The following GLI2 variants were observed in gnomAD, a reference collection of about 807,000 sequenced individuals.
GLI2 encodes the protein transcription activator GLI2.
Under a neutral mutation model 78.9 loss-of-function variants are expected in GLI2, and 22 were observed. The observed-to-expected ratio is 0.28, with a 90% CI of 0.20 to 0.40. GLI2 has a LOEUF of 0.40. GLI2 is among the 10% of genes least tolerant of loss of function. GLI2 has a pLI of 1.00. For missense variants in GLI2, 2,097 were observed against 2,213.2 expected (o/e 0.95, Z 1.05); for synonymous variants, 974 against 963.7 (o/e 1.01, Z -0.20).
chr2:120,963,247 G>A (rs1323899830), intron 5 of GLI2, among the ~76,000 whole-genome samples: 5 of 152,192 alleles, frequency 3.3e-5, no homozygotes, highest in Admixed American at 2.6e-4. Context: ...TGGAATGCCC[G>A]CTGGGTTTTA....
intron 1 of GLI2, among the ~76,000 whole-genome samples, chr2:120,753,839 AGTGATCTTGGCTCACGCG>A (rs1682956058): frequency 6.7e-6 from 1 of 148,308 alleles, no homozygotes; most frequent in Admixed American, 6.8e-5. Flanking sequence ...CGGAGCTTGC[AGTGATCTTGGCTCACGCG>A]GTGAGCCGAG....
chr2:120,968,949 C>T, intron 6 of GLI2, 34 bp downstream of exon 6: 5 of 1,564,180 alleles, frequency 3.2e-6, no homozygotes. Context: ...AGCTGAGGAC[C>T]AGAGCTGGGC....
At chr2:120,796,214 C>T (rs1684386166) in intron 1 of GLI2, among the ~76,000 whole-genome samples, 1 of 152,192 alleles carries the variant, frequency 6.6e-6, no homozygotes, top group African/African-American at 2.4e-5. Flanking sequence ...CCCTTGCTCA[C>T]AGCCACTTTC....
Position 120,948,460 on chromosome 2 carries a change from G to C in GLI2, c.255-2783G>C, listed in dbSNP as rs551215259. On this transcript the variant is annotated intron_variant, in intron 3 of 13. Coordinates refer to ENST00000361492, the MANE Select transcript of GLI2 (RefSeq NM_001374353.1). The stretch of plus-strand genomic sequence containing the variant: ...AGGTGGAGTCTACCTTCCCCAAATG[G>C]TGGCAACTGCACCGTGGAGGCGGAA... 9.9e-5 allele frequency among the ~76,000 whole-genome samples: 15 copies of C among 152,254 alleles called. No individual in the cohort carries two copies. In the East Asian group the frequency reaches 2.9e-3, roughly 29 times the overall value.
intron 2 of GLI2, among the ~76,000 whole-genome samples, chr2:120,853,142 G>A (rs569663491): frequency 1.3e-5 from 2 of 152,294 alleles, no homozygotes; most frequent in African/African-American, 4.8e-5. Flanking sequence ...TTTGGCAAAG[G>A]CTTTCTGCGG....
At chr2:120,949,888 A>G (rs1222882430) in intron 3 of GLI2, among the ~76,000 whole-genome samples, 1 of 152,166 alleles carries the variant, frequency 6.6e-6, no homozygotes, top group East Asian at 1.9e-4. Context: ...ATTGAGCATG[A>G]TCAGTAATTA....
intron 4 of GLI2, among the ~76,000 whole-genome samples, chr2:120,953,191 T>C (rs1031630272): frequency 3.9e-5 from 6 of 152,112 alleles, no homozygotes; most frequent in African/African-American, 1.4e-4. Flanking sequence ...CTAAATCCAA[T>C]AACAGGTGTC....
intron 2 of GLI2, among the ~76,000 whole-genome samples, chr2:120,922,806 C>A (rs1679448699): frequency 6.6e-6 from 1 of 152,108 alleles, no homozygotes. Flanking sequence ...GTGCAGCCTG[C>A]ACATTCCACA....
chr2:120,869,508 C>T (rs924921361), intron 2 of GLI2, among the ~76,000 whole-genome samples: 1 of 152,144 alleles, frequency 6.6e-6, no homozygotes, highest in African/African-American at 2.4e-5. Context: ...GGCCATAATC[C>T]TCCTAGGTAA....
chr2:120,854,261 A>G (rs1023347889), intron 2 of GLI2, among the ~76,000 whole-genome samples: 3 of 152,198 alleles, frequency 2.0e-5, no homozygotes, highest in African/African-American at 7.2e-5. Context: ...AAAAATTTCT[A>G]GGCAAAGAGT....
intron 1 of GLI2, among the ~76,000 whole-genome samples, chr2:120,783,887 C>T (rs1397398849): frequency 6.6e-6 from 1 of 152,178 alleles, no homozygotes; most frequent in Admixed American, 6.5e-5. Flanking sequence ...AGTGACTGTC[C>T]AGTGGTAGAA....
At chr2:120,797,158 C>T (rs1344176100) in intron 1 of GLI2, 133 bp from the exon 2 acceptor site, 6 of 728,478 alleles carry the variant, frequency 8.2e-6, no homozygotes, top group Non-Finnish European at 1.5e-5. Flanking sequence ...TTAATTAAAC[C>T]CTCCTTCCCA....
rs571999986 is a variant in GLI2, at chr2:120,985,200, A to G, written c.1905+457A>G. On this transcript the variant is annotated intron_variant, in intron 12 of 13. Transcript: ENST00000361492. ...TGTACCTCCCCTAAGGATAGACGGT[A>G]CTGAGGTGAGCCAAGGAGCTGGGCA... is the stretch of plus-strand genomic sequence containing the variant. 3.9e-4 allele frequency among the ~76,000 whole-genome samples: 59 copies of G among 152,260 alleles called. 1 individual carries two copies. The highest frequency in any genetic ancestry group is 1.1e-3 in the Admixed American group (17 of 15,306).
intron 2 of GLI2, among the ~76,000 whole-genome samples, chr2:120,832,794 C>G (rs17005260): frequency 0.026 from 3,995 of 152,152 alleles, 156 homozygotes; most frequent in African/African-American, 0.089. Flanking sequence ...ATGGAGTCTT[C>G]AAGAGGACGG....
At chr2:120,741,172 C>T (rs921931075) in intron 1 of GLI2, among the ~76,000 whole-genome samples, 1 of 152,198 alleles carries the variant, frequency 6.6e-6, no homozygotes, top group Admixed American at 6.5e-5. Context: ...TATCTCCCTT[C>T]CTCCAGACCC....
intron 2 of GLI2, among the ~76,000 whole-genome samples, chr2:120,881,805 G>GT (rs1168627486): frequency 1.0e-3 from 1 of 996 alleles, no homozygotes; most frequent in African/African-American, 4.1e-3. Context: ...AGAAGACAGT[G>GT]GGGGAGAACA....
intron 1 of GLI2, among the ~76,000 whole-genome samples, chr2:120,772,084 G>A (rs1034010546): frequency 3.9e-5 from 6 of 152,146 alleles, no homozygotes; most frequent in African/African-American, 1.4e-4. Context: ...GATGGAGGCT[G>A]GGTTTTGTCT....
intron 2 of GLI2, among the ~76,000 whole-genome samples, chr2:120,848,601 A>G (rs1687238290): frequency 6.6e-6 from 1 of 152,154 alleles, no homozygotes; most frequent in Non-Finnish European, 1.5e-5. Flanking sequence ...GGGAGGGAAG[A>G]GTTGGAGGAG....
chr2:120,970,322 G>C, intron 6 of GLI2, 71 bp from the exon 7 acceptor site: 2 of 838,570 alleles, frequency 2.4e-6, no homozygotes, highest in Admixed American at 3.6e-5. Context: ...GGTTCTCTCT[G>C]TCCAGGAAGT....
Sources: allele counts gnomAD v4.1 joint callset (sites outside exome capture counted in the v4.1 genomes callset), GRCh38; gene constraint gnomAD v4.1.1; transcripts MANE v1.5; gene names NCBI Gene and HGNC (gene_info 2026-07-23, HGNC 2026-07-21).